Variants in GCH1 observed in about 807,000 individuals in gnomAD.
GCH1 encodes GTP cyclohydrolase 1.
In GCH1, 5 loss-of-function variants were observed where a neutral mutation model predicts 25.9. The ratio of observed to expected loss-of-function variants is 0.19; its 90% confidence interval spans 0.10 to 0.41. GCH1 has a LOEUF of 0.41. Ranked by LOEUF, GCH1 falls within the 10% of genes least tolerant of loss-of-function variation. GCH1 has a pLI of 1.00. For missense variants in GCH1, 261 were observed against 336.5 expected, an observed-to-expected ratio of 0.78 and a Z score of 1.75; for synonymous variants, 159 against 129.6, an observed-to-expected ratio of 1.23 and a Z score of -1.54.
chr14:54,889,396 G>T (rs2040396597), intron 1 of GCH1, among the ~76,000 whole-genome samples: 1 of 152,082 alleles, frequency 6.6e-6, no homozygotes, highest in African/African-American at 2.4e-5. Context: ...TCCTTGTTTG[G>T]GATGTTTGCC....
chr14:54,896,781 G>A (rs1277175458), intron 1 of GCH1, among the ~76,000 whole-genome samples: 1 of 151,442 alleles, frequency 6.6e-6, no homozygotes, highest in Non-Finnish European at 1.5e-5. Flanking sequence ...TTAGCCGGGT[G>A]TGGTAGCGGG....
At chr14:54,895,397 A>C (rs2040471686) in intron 1 of GCH1, among the ~76,000 whole-genome samples, 1 of 152,228 alleles carries the variant, frequency 6.6e-6, no homozygotes, top group South Asian at 2.1e-4. Context: ...TTTAACTGGA[A>C]ATGTGACAGA....
At chr14:54,873,630 C>G (rs2040114355) in intron 1 of GCH1, among the ~76,000 whole-genome samples, 1 of 152,048 alleles carries the variant, frequency 6.6e-6, no homozygotes, top group South Asian at 2.1e-4. Flanking sequence ...AGAGAAGAAT[C>G]AAATAGATGC....
At chr14:54,901,650 C>G (rs915513364) in intron 1 of GCH1, among the ~76,000 whole-genome samples, 1 of 152,110 alleles carries the variant, frequency 6.6e-6, no homozygotes, top group Non-Finnish European at 1.5e-5. Context: ...GGGGAGGAAA[C>G]AGATTTCAGC....
At position 54,867,221 on chromosome 14, in the gene GCH1, G is replaced by A. The variant is rs1382567237; in HGVS notation, c.344-1785C>T. On this transcript the variant is annotated intron_variant, in intron 1 of 5. Coordinates refer to ENST00000491895, the MANE Select transcript of GCH1 (RefSeq NM_000161.3). ...GTTTTCTCTGGCAAAGAATGAGAGC[G>A]TCCCCATCCTAAGCTCTGACGACAA... is the stretch of plus-strand genomic sequence containing the variant. Among the ~76,000 whole-genome samples the A allele has an allele frequency of 7.9e-5, 12 of 152,124 alleles. 1 individual carries two copies. The highest frequency in any genetic ancestry group is 4.1e-4 in the South Asian group (2 of 4,830).
In GCH1 at chr14:54,847,138, A is replaced by G. The variant is rs2140043752; in HGVS notation, c.510-8T>C. 5 of 976,716 alleles carry G rather than the reference A, an allele frequency of 5.1e-6. No individual in the cohort carries two copies. The highest frequency in any genetic ancestry group is 2.7e-5 in the South Asian group (2 of 73,288). The allele number at this position is 976,716 out of a possible 1,614,324, so 60.5% of individuals were successfully genotyped here. A position where few individuals can be genotyped will look rare whatever the true frequency, so the allele number is the denominator to read the frequency against. On this transcript the variant is annotated splice_region_variant and splice_polypyrimidine_tract_variant and intron_variant, in intron 3 of 5. Transcript: ENST00000491895. ...CTATAGATTTCTACAATCCTAGAAAAGAAAGAATTGTTTTAGTTAATCACA... is the reference window on the plus strand; with the variant it reads ...CTATAGATTTCTACAATCCTAGAAAGGAAAGAATTGTTTTAGTTAATCACA...
chr14:54,855,469 G>A lies in GCH1; in HGVS notation c.509+4212C>T, dbSNP rs371273656. 3.9e-3 allele frequency among the ~76,000 whole-genome samples: 526 copies of A among 134,876 alleles called. 4 individuals are homozygous for A. Among genetic ancestry groups the A allele is most frequent in the African/African-American group, 0.014 (488 of 33,850 alleles). 88.5% of individuals were successfully genotyped at this position (134,876 alleles called of 152,430 possible). On this transcript the variant is annotated intron_variant, in intron 3 of 5. Transcript: ENST00000491895. ...TGCAGTGAGCCCAGATAGTGCCACT[G>A]CACTCCAGCCTGGGCGACAGAGAAA...
Position 54,902,816 on chromosome 14 carries a change from G to A in GCH1, c.-153C>T, listed in dbSNP as rs567841653. On this transcript the variant is annotated 5_prime_UTR_variant, in exon 1 of 6. Coordinates refer to ENST00000491895, the MANE Select transcript of GCH1 (RefSeq NM_000161.3). ...TTAGATCACACTCCGAGCCGGGAGC[G>A]GCCACAGGCTGGAAAGCCCGGCCGC... 1.1e-5 allele frequency: 12 copies of A among 1,055,158 alleles called. No individual in the cohort carries two copies. The highest frequency in any genetic ancestry group is 4.3e-5 in the Admixed American group (1 of 23,414). The allele number at this position is 1,055,158 out of a possible 1,614,324, so 65.4% of individuals were successfully genotyped here. A position where few individuals can be genotyped will look rare whatever the true frequency, so the allele number is the denominator to read the frequency against.
chr14:54,867,986 CTGACATCAGGTAGCTCCT>C (rs2040013394), intron 1 of GCH1, among the ~76,000 whole-genome samples: 1 of 152,226 alleles, frequency 6.6e-6, no homozygotes, highest in African/African-American at 2.4e-5. Context: ...ACAGGACATA[CTGACATCAGGTAGCTCCT>C]GATAGGACAC....
Position 54,856,005 on chromosome 14 carries a change from T to G in GCH1, c.509+3676A>C, listed in dbSNP as rs7155099. ...TTCACTCATTTGTATTTAAATGGTA[T>G]GTTGCTTTTATAGTCAAAAAAGAAA... On this transcript the variant is annotated intron_variant, in intron 3 of 5. Transcript: ENST00000491895. Among the ~76,000 whole-genome samples the G allele has an allele frequency of 8.1e-3, 1,182 of 145,486 alleles. 16 individuals are homozygous for G. The highest frequency in any genetic ancestry group is 0.03 in the African/African-American group (1,133 of 37,400).
chr14:54,875,154 T>C (rs1381272278), intron 1 of GCH1, among the ~76,000 whole-genome samples: 1 of 152,058 alleles, frequency 6.6e-6, no homozygotes, highest in Non-Finnish European at 1.5e-5. Flanking sequence ...AACACAGCCC[T>C]CAGAAGTAAT....
intron 1 of GCH1, among the ~76,000 whole-genome samples, chr14:54,880,121 A>G (rs548877874): frequency 4.2e-4 from 63 of 150,156 alleles, no homozygotes; most frequent in Admixed American, 1.3e-4. Flanking sequence ...AGTCTGGGCA[A>G]CAGAGCAAGA....
At chr14:54,847,005 G>C in intron 4 of GCH1, 94 bp downstream of exon 4, 1 of 541,230 alleles carries the variant, frequency 1.8e-6, no homozygotes, top group South Asian at 1.9e-5. Flanking sequence ...ACTCCAGCCT[G>C]GGTGACAGAG....
chr14:54,901,547 T>G (rs1321693801), intron 1 of GCH1, among the ~76,000 whole-genome samples: 6 of 148,140 alleles, frequency 4.1e-5, no homozygotes, highest in Non-Finnish European at 3.0e-5. Flanking sequence ...TATTTTAGGG[T>G]GGGAGGGTGC....
chr14:54,858,134 G>GTT (rs11412107), intron 3 of GCH1, among the ~76,000 whole-genome samples: 30 of 149,812 alleles, frequency 2.0e-4, no homozygotes, highest in Admixed American at 4.6e-4. Flanking sequence ...TGCTGGAGTA[G>GTT]TTTTTTTTTT....
In GCH1 at chr14:54,877,653, C is replaced by T. The variant is rs142338456; in HGVS notation, c.344-12217G>A. ...GGATTACAGGCGCAAGCCACCATGC[C>T]TGGCTAATTTTTGTATTTTTTTGTA... On this transcript the variant is annotated intron_variant, in intron 1 of 5. Coordinates refer to ENST00000491895, the MANE Select transcript of GCH1 (RefSeq NM_000161.3). 4.7e-3 allele frequency among the ~76,000 whole-genome samples: 718 copies of T among 152,234 alleles called. 4 individuals carry two copies. Among genetic ancestry groups the T allele is most frequent in the African/African-American group, 0.016 (678 of 41,532 alleles).
At chr14:54,893,559 A>G (rs918444538) in intron 1 of GCH1, among the ~76,000 whole-genome samples, 1 of 152,212 alleles carries the variant, frequency 6.6e-6, no homozygotes, top group Non-Finnish European at 1.5e-5. Context: ...GTAAAATATT[A>G]TTATTAAAAT....
chr14:54,859,825 C>A, intron 2 of GCH1, 89 bp from the exon 3 acceptor site: 1 of 761,194 alleles, frequency 1.3e-6, no homozygotes, highest in Non-Finnish European at 2.4e-6. Flanking sequence ...GAATATAGTA[C>A]ACTTTTATGT....
intron 1 of GCH1, among the ~76,000 whole-genome samples, chr14:54,873,893 A>T (rs1359355114): frequency 2.0e-5 from 3 of 152,262 alleles, no homozygotes; most frequent in South Asian, 2.1e-4. Flanking sequence ...AGATGGATTC[A>T]CAGCCGAATT....
Sources: allele counts gnomAD v4.1 joint callset (sites outside exome capture counted in the v4.1 genomes callset), GRCh38; gene constraint gnomAD v4.1.1; transcripts MANE v1.5; gene names NCBI Gene and HGNC (gene_info 2026-07-23, HGNC 2026-07-21).